The following SEPTIN3 variants were observed in gnomAD, a reference collection of about 807,000 sequenced individuals.
SEPTIN3 encodes neuronal-specific septin-3.
A neutral mutation model predicts 45.1 loss-of-function variants in SEPTIN3; 15 were observed. The ratio of observed to expected loss-of-function variants is 0.33; its 90% CI spans 0.22 to 0.51. The LOEUF is 0.51. Ranked by LOEUF, SEPTIN3 falls within the 20% of genes least tolerant of loss-of-function variation. The probability of loss-of-function intolerance (pLI) is 0.97; values close to 1 mark genes in which losing one functional copy is unlikely to be tolerated. For missense variants in SEPTIN3, 289 were observed against 457.2 expected (o/e 0.63, Z 3.35); for synonymous variants, 148 against 164.8 (o/e 0.90, Z 0.78).
At chr22:41,977,037 C>T (rs750567429) in intron 2 of SEPTIN3, 4 of 1,599,162 alleles carry the variant, frequency 2.5e-6, no homozygotes, top group East Asian at 2.3e-5. Flanking sequence ...GAGCATCTCC[C>T]TGGAGGAACG....
rs1273636203 is a variant in SEPTIN3 at position 41,976,014 on chromosome 22, C to G, written c.1504+3018C>G. On this transcript the variant is annotated intron_variant, in intron 2 of 11. Coordinates refer to ENST00000644076, the MANE Select transcript of SEPTIN3 (RefSeq NM_001363845.2). The surrounding 1 kb of genome is among the most constrained non-coding windows in gnomAD (Gnocchi z 5.8). ...TGGAATTTTCTCTGCTTCAGCGACA[C>G]CAAGGACTCTGGGCTGTCCACCAGC... is the stretch of plus-strand genomic sequence containing the variant. Among the ~76,000 whole-genome samples, 3 of 152,206 alleles carry G rather than the reference C, an allele frequency of 2.0e-5. No homozygotes were observed. In the East Asian group the frequency reaches 5.8e-4, roughly 29 times the overall value.
chr22:41,977,100 C>G, intron 2 of SEPTIN3: 1 of 1,587,042 alleles, frequency 6.3e-7, no homozygotes, highest in Non-Finnish European at 8.6e-7. Context: ...AGGCCACCGG[C>G]ACCCGCCAGG....
intron 2 of SEPTIN3, among the ~76,000 whole-genome samples, chr22:41,979,112 C>T (rs880578): frequency 0.018 from 2,782 of 152,220 alleles, 81 homozygotes; most frequent in African/African-American, 0.058. Flanking sequence ...ACAGTGGGTG[C>T]TCATATGTGC....
Position 41,994,233 on chromosome 22 carries a change from G to T in SEPTIN3, c.2360-57G>T. 1 of 1,542,810 alleles carries T rather than the reference G, an allele frequency of 6.5e-7. No individual in the cohort carries two copies. On this transcript the variant is annotated intron_variant, in intron 9 of 11. Coordinates refer to ENST00000644076, the MANE Select transcript of SEPTIN3 (RefSeq NM_001363845.2). The surrounding 1 kb of genome is among the most constrained non-coding windows in gnomAD (Gnocchi z 4.2). ...ACCCAAACAGAAGCTCACCTCCTGGGTGTTGCTGTATTAATGAACTGACTA... is the reference window on the plus strand; with the variant it reads ...ACCCAAACAGAAGCTCACCTCCTGGTTGTTGCTGTATTAATGAACTGACTA...
At chr22:41,996,679 A>G (rs770815769) in intron 11 of SEPTIN3, 95 of 1,404,496 alleles carry the variant, frequency 6.8e-5, no homozygotes, top group Non-Finnish European at 8.5e-5. Flanking sequence ...ATACATTTCA[A>G]CAGAACAGGG....
chr22:41,995,726 T>C (rs1380659811), intron 11 of SEPTIN3: 3 of 985,120 alleles, frequency 3.0e-6, no homozygotes, highest in African/African-American at 1.7e-5. Context: ...AAGAAAGGAA[T>C]AGGAAAGAAA....
At chr22:41,991,921 C>A (rs1451669617) in intron 8 of SEPTIN3, among the ~76,000 whole-genome samples, 2 of 151,790 alleles carry the variant, frequency 1.3e-5, no homozygotes, top group Non-Finnish European at 2.9e-5. Flanking sequence ...CAAGGTCTGG[C>A]AAAAACAGTA....
chr22:41,976,945 C>A lies in SEPTIN3; in HGVS notation c.1504+3949C>A. On this transcript the variant is annotated intron_variant, in intron 2 of 11. Coordinates refer to ENST00000644076, the MANE Select transcript of SEPTIN3 (RefSeq NM_001363845.2). This position sits in a 1 kb window ranked among gnomAD's most constrained non-coding sequence, Gnocchi z 5.8. ...GCGGGCCGGGCGGGTGGGAGGAGAG[C>A]GCGAAGGGGCGAGGCCCGTTTGCAG... 7.2e-6 allele frequency: 6 copies of A among 833,516 alleles called. No homozygotes were observed. Among genetic ancestry groups the A allele is most frequent in the Non-Finnish European group, 9.8e-6 (6 of 609,948 alleles). 51.6% of individuals were successfully genotyped at this position (833,516 alleles called of 1,614,324 possible).
chr22:41,987,638 A>AAGT lies in SEPTIN3; in HGVS notation c.1926_1928dup (p.Lys642_Tyr643insTer). The stretch of plus-strand genomic sequence containing the variant: ...CCCCATCAGCTGGGAGCCCATTGAG[A>AAGT]AGTACATCAATGAGCAGTACGAGAA... On this transcript the variant is annotated stop_gained and inframe_insertion, in exon 6 of 12. Coordinates refer to ENST00000644076, the MANE Select transcript of SEPTIN3 (RefSeq NM_001363845.2). LOFTEE classifies it high-confidence loss of function. 1 of 1,611,510 alleles carries AAGT rather than the reference A, an allele frequency of 6.2e-7. No homozygotes were observed. Among genetic ancestry groups the AAGT allele is most frequent in the Non-Finnish European group, 8.5e-7 (1 of 1,177,832 alleles).
intron 2 of SEPTIN3, among the ~76,000 whole-genome samples, chr22:41,974,435 C>T (rs2077993510): frequency 6.6e-6 from 1 of 151,990 alleles, no homozygotes; most frequent in Admixed American, 6.6e-5. Flanking sequence ...GAGGCCGAGA[C>T]AGGTGGATCA....
chr22:41,996,435 T>G (rs1257295793), intron 11 of SEPTIN3: 8 of 987,150 alleles, frequency 8.1e-6, no homozygotes, highest in Non-Finnish European at 8.4e-6. Flanking sequence ...ATCCCAGCAC[T>G]TATAATCCCA....
At chr22:41,985,027 T>TC (rs779955339) in intron 3 of SEPTIN3, among the ~76,000 whole-genome samples, 33 of 152,108 alleles carry the variant, frequency 2.2e-4, no homozygotes, top group Middle Eastern at 6.8e-3. Flanking sequence ...TAATTTTTTG[T>TC]ATTTTTTTTA....
At chr22:41,995,446 A>G in intron 11 of SEPTIN3, 2 of 985,436 alleles carry the variant, frequency 2.0e-6, no homozygotes, top group African/African-American at 1.7e-5. Flanking sequence ...TCTCCACTCA[A>G]CTGGCCTCTG....
At position 41,986,093 on chromosome 22, in the gene SEPTIN3, G is replaced by C; in HGVS notation, c.1806G>C (p.Glu602Asp). Residue 602 changes from glutamate to aspartate, a missense_variant, in exon 4 of 12, where the codon GAG becomes GAC. Coordinates refer to ENST00000644076, the MANE Select transcript of SEPTIN3 (RefSeq NM_001363845.2). Reference sequence around the variant, plus strand: ...AGGAGAAGATCCCCAAGACAGTGGAGATCAAAGCTATCGGGCATGGTGAGG... The same window carrying C: ...AGGAGAAGATCCCCAAGACAGTGGACATCAAAGCTATCGGGCATGGTGAGG... Reference protein sequence around the residue: ...NREEKIPKTVEIKAIGHVIEE... With the variant: ...NREEKIPKTVDIKAIGHVIEE... 1 of 1,613,436 alleles carries C rather than the reference G, an allele frequency of 6.2e-7. No individual in the cohort carries two copies.
At chr22:41,977,613 T>TG (rs2078050539) in intron 2 of SEPTIN3, among the ~76,000 whole-genome samples, 1 of 121,286 alleles carries the variant, frequency 8.2e-6, no homozygotes, top group South Asian at 2.6e-4. Context: ...GGGCTGGAAC[T>TG]GGGGTGGGCT....
chr22:41,979,094 C>T (rs1341298637), intron 2 of SEPTIN3, among the ~76,000 whole-genome samples: 1 of 152,136 alleles, frequency 6.6e-6, no homozygotes, highest in Non-Finnish European at 1.5e-5. Flanking sequence ...GCGCTGTGTA[C>T]AGTGCACACA....
At chr22:41,980,600 A>C (rs956270446) in intron 2 of SEPTIN3, among the ~76,000 whole-genome samples, 3 of 152,122 alleles carry the variant, frequency 2.0e-5, no homozygotes, top group Non-Finnish European at 4.4e-5. Context: ...ACTTCACCCC[A>C]TACCCCAATT....
chr22:41,981,804 A>G lies in SEPTIN3; in HGVS notation c.1664A>G (p.Lys555Arg). Reference protein sequence around the residue: ...IIEQMRKKTMKTGFDFNIMVV... With the variant: ...IIEQMRKKTMRTGFDFNIMVV... ...GAGCAGATGCGCAAGAAGACCATGA[A>G]GACCGGTTTCGACTTCAACATCATG... Residue 555 changes from lysine to arginine, a missense_variant, in exon 3 of 12, where the codon AAG (lysine) becomes AGG (arginine). Physicochemically the swap from Lys to Arg is conservative, Grantham distance 26. Around this residue, in one of 3 missense-constraint regions of SEPTIN3, gnomAD observed 200 missense variants for 315.1 expected, o/e 0.63. Coordinates refer to ENST00000644076, the MANE Select transcript of SEPTIN3 (RefSeq NM_001363845.2). The G allele has an allele frequency of 6.2e-7, 1 of 1,613,978 alleles. No homozygotes were observed. The highest frequency in any genetic ancestry group is 8.5e-7 in the Non-Finnish European group (1 of 1,179,958).
At chr22:41,995,151 C>G (rs1429313986) in intron 11 of SEPTIN3, 1 of 1,065,476 alleles carries the variant, frequency 9.4e-7, no homozygotes, top group East Asian at 7.3e-5. Context: ...TCTCTCGGAA[C>G]CTGCACACAA....
Sources: allele counts gnomAD v4.1 joint callset (sites outside exome capture counted in the v4.1 genomes callset), GRCh38; gene constraint gnomAD v4.1.1; regional missense constraint gnomAD v4.1.1; non-coding constraint Gnocchi (gnomAD v3.1); transcripts MANE v1.5; gene names NCBI Gene and HGNC (gene_info 2026-07-23, HGNC 2026-07-21).